WDR17: variants seen among roughly 807,000 people sequenced by gnomAD.
The protein encoded by WDR17 is WD repeat domain 17, also known as WD repeat-containing protein 17.
In WDR17, 143 loss-of-function variants were observed where a neutral mutation model predicts 161.7. The ratio of observed to expected loss-of-function variants is 0.88; its 90% CI spans 0.77 to 1.02. The LOEUF is 1.02. Among genes scored for constraint, WDR17 ranks in the 50% least tolerant of loss-of-function variants. The probability of loss-of-function intolerance (pLI) is 0.00; values close to 1 mark genes in which losing one functional copy is unlikely to be tolerated. For missense variants in WDR17, 1,469 were observed against 1,520.9 expected (o/e 0.97, Z 0.57); for synonymous variants, 517 against 515.6 (o/e 1.00, Z -0.04).
At chr4:176,091,094 T>A (rs1736063391) in intron 1 of WDR17, among the ~76,000 whole-genome samples, 1 of 152,176 alleles carries the variant, frequency 6.6e-6, no homozygotes, top group African/African-American at 2.4e-5. Flanking sequence ...AGATTTTGTT[T>A]ATGGCCAGTT....
At position 176,135,250 on chromosome 4, in the gene WDR17, T is replaced by A. The variant is rs1744222036; in HGVS notation, c.1241T>A (p.Val414Asp). The A allele has an allele frequency of 6.2e-7, 1 of 1,612,092 alleles. No individual in the cohort carries two copies. Among genetic ancestry groups the A allele is most frequent in the Non-Finnish European group, 8.5e-7 (1 of 1,178,462 alleles). The part of the protein sequence containing the change: ...AVYTSPGNEG[V>D]IYSLSWAPGG... ...TACACATCCCCGGGTAATGAAGGTGTTATTTATTCCCTTTCTTGGGCTCCA... is the reference window on the plus strand; with the variant it reads ...TACACATCCCCGGGTAATGAAGGTGATATTTATTCCCTTTCTTGGGCTCCA... Residue 414 changes from valine to aspartate, a missense_variant, in exon 8 of 29, where the codon GTT becomes GAT. Val to Asp is a radical substitution (Grantham distance 152, BLOSUM62 -3). Transcript: ENST00000508596.
At position 176,160,212 on chromosome 4, in the gene WDR17, C is replaced by T. The variant is rs1008902161; in HGVS notation, c.2658+86C>T. On this transcript the variant is annotated intron_variant, in intron 19 of 28. Transcript: ENST00000508596. ...GGTTGTGTTGACTGGCTCACCCTTACATAATTGACAAAGTCATAAAGGGCT... is the reference window on the plus strand; with the variant it reads ...GGTTGTGTTGACTGGCTCACCCTTATATAATTGACAAAGTCATAAAGGGCT... 1.7e-5 allele frequency: 26 copies of T among 1,491,308 alleles called. No individual in the cohort carries two copies. The Admixed American group carries it at 4.2e-4, about 24-fold the overall frequency. The allele number at this position is 1,491,308 out of a possible 1,614,324, so 92.4% of individuals were successfully genotyped here. A position where few individuals can be genotyped will look rare whatever the true frequency, so the allele number is the denominator to read the frequency against.
At position 176,182,360 on chromosome 4, in the gene WDR17, A is replaced by G. The variant is rs1752240815; in HGVS notation, c.*2781A>G. 1 of 150,000 alleles carries G rather than the reference A, an allele frequency of 6.7e-6. No homozygotes were observed. Among genetic ancestry groups the G allele is most frequent in the African/African-American group, 2.4e-5 (1 of 40,858 alleles). 9.3% of individuals were successfully genotyped at this position (150,000 alleles called of 1,614,324 possible). A position where few individuals can be genotyped will look rare whatever the true frequency, so the allele number is the denominator to read the frequency against. ...AAATGAAATATATATGTATGTGTAT[A>G]TATATACATGTATGTATGAAATATA... is the stretch of plus-strand genomic sequence containing the variant. On this transcript the variant is annotated 3_prime_UTR_variant, in exon 29 of 29. Coordinates refer to ENST00000508596, the MANE Select transcript of WDR17 (RefSeq NM_181265.4). This position sits in a 1 kb window ranked among gnomAD's most constrained non-coding sequence, Gnocchi z 4.2.
intron 11 of WDR17, among the ~76,000 whole-genome samples, chr4:176,144,652 A>G (rs1745875974): frequency 6.6e-6 from 1 of 152,208 alleles, no homozygotes; most frequent in Non-Finnish European, 1.5e-5. Flanking sequence ...TTTAACTATT[A>G]TGCTTACTAC....
At chr4:176,083,403 G>C (rs2126600692) in intron 1 of WDR17, among the ~76,000 whole-genome samples, 1 of 152,072 alleles carries the variant, frequency 6.6e-6, no homozygotes, top group South Asian at 2.1e-4. Context: ...CACCACCAAG[G>C]ATACCACTAG....
chr4:176,112,048 T>G (rs558151193), intron 2 of WDR17, among the ~76,000 whole-genome samples: 2 of 152,206 alleles, frequency 1.3e-5, no homozygotes, highest in African/African-American at 2.4e-5. Flanking sequence ...GTGTCCTAGC[T>G]CCATTCAGAT....
rs753174298 is a variant in WDR17, at chr4:176,111,560, A to G, written c.-6-15A>G. Reference sequence around the variant, plus strand: ...AATGGAAATCACTGACATTTCTTCAAATTTGTTTTTCAAGGCAAACATGTC... The same window carrying G: ...AATGGAAATCACTGACATTTCTTCAGATTTGTTTTTCAAGGCAAACATGTC... On this transcript the variant is annotated splice_polypyrimidine_tract_variant and intron_variant, in intron 1 of 28. Transcript: ENST00000508596. 1 of 1,593,930 alleles carries G rather than the reference A, an allele frequency of 6.3e-7. No individual in the cohort carries two copies. The highest frequency in any genetic ancestry group is 2.3e-5 in the East Asian group (1 of 44,422).
chr4:176,180,302 G>C lies in WDR17; in HGVS notation c.*723G>C, dbSNP rs1161012229. Reference sequence around the variant, plus strand: ...ATATATATATGAAAACTTGCATTAGGTGATAAAGTGACTATTTTAAGAGAT... The same window carrying C: ...ATATATATATGAAAACTTGCATTAGCTGATAAAGTGACTATTTTAAGAGAT... On this transcript the variant is annotated 3_prime_UTR_variant, in exon 29 of 29. Coordinates refer to ENST00000508596, the MANE Select transcript of WDR17 (RefSeq NM_181265.4). 1.3e-5 allele frequency: 2 copies of C among 151,868 alleles called. No individual in the cohort carries two copies. Among genetic ancestry groups the C allele is most frequent in the African/African-American group, 4.8e-5 (2 of 41,364 alleles). 9.4% of individuals were successfully genotyped at this position (151,868 alleles called of 1,614,324 possible). A position where few individuals can be genotyped will look rare whatever the true frequency, so the allele number is the denominator to read the frequency against.
intron 7 of WDR17, among the ~76,000 whole-genome samples, chr4:176,133,068 G>T (rs1743729744): frequency 6.7e-6 from 1 of 149,156 alleles, no homozygotes; most frequent in African/African-American, 2.5e-5. Context: ...CAGTTCAGGA[G>T]ACAATTACAT....
intron 19 of WDR17, 107 bp downstream of exon 19, chr4:176,160,233 G>A: frequency 7.3e-7 from 1 of 1,373,158 alleles, no homozygotes; most frequent in Non-Finnish European, 9.7e-7. Flanking sequence ...AAGTCATAAA[G>A]GGCTTGGCTT....
At chr4:176,108,639 A>T (rs572423765) in intron 1 of WDR17, among the ~76,000 whole-genome samples, 1 of 151,984 alleles carries the variant, frequency 6.6e-6, no homozygotes, top group East Asian at 1.9e-4. Context: ...CTGAGTGTTA[A>T]TAGTGGGGAA....
At chr4:176,102,670 C>A (rs1182974965) in intron 1 of WDR17, among the ~76,000 whole-genome samples, 1 of 152,146 alleles carries the variant, frequency 6.6e-6, no homozygotes, top group East Asian at 1.9e-4. Context: ...CACTAAAAAG[C>A]AATGAGCCAT....
chr4:176,115,678 T>C (rs1444191069), intron 2 of WDR17, 118 bp from the exon 3 acceptor site: 1 of 700,122 alleles, frequency 1.4e-6, no homozygotes, highest in Non-Finnish European at 2.1e-6. Context: ...TTCATATCTT[T>C]ATTATTAGGT....
chr4:176,083,997 A>G (rs569549609), intron 1 of WDR17, among the ~76,000 whole-genome samples: 15 of 150,166 alleles, frequency 1.0e-4, no homozygotes, highest in Non-Finnish European at 1.9e-4. Flanking sequence ...CCATTTTTCT[A>G]TTGGTTTGCC....
chr4:176,120,288 TTATATATATATATATATATATA>T (rs33940735), intron 4 of WDR17, among the ~76,000 whole-genome samples, 191 bp downstream of exon 4: 4,103 of 136,532 alleles, frequency 0.03, 148 homozygotes, highest in East Asian at 0.14. Context: ...ATTTGAAGTT[TTATATATATATATATATATATA>T]TATATATATA....
chr4:176,134,316 A>C (rs1277286959), intron 7 of WDR17, among the ~76,000 whole-genome samples: 6 of 151,720 alleles, frequency 4.0e-5, no homozygotes, highest in Non-Finnish European at 7.4e-5. Flanking sequence ...CCCAAATGTT[A>C]GTTTCGTTTG....
At chr4:176,109,389 T>C (rs1188558428) in intron 1 of WDR17, among the ~76,000 whole-genome samples, 1 of 152,026 alleles carries the variant, frequency 6.6e-6, no homozygotes, top group Non-Finnish European at 1.5e-5. Context: ...GAAATACAGG[T>C]GTCATTAGAC....
At chr4:176,152,477 G>A (rs1266875353) in intron 17 of WDR17, among the ~76,000 whole-genome samples, 1 of 150,286 alleles carries the variant, frequency 6.7e-6, no homozygotes, top group African/African-American at 2.5e-5. Flanking sequence ...CGTGTGGCAC[G>A]CACCTCTAGT....
Position 176,177,098 on chromosome 4 carries a change from A to C in WDR17, c.3490A>C (p.Ile1164Leu). The C allele has an allele frequency of 6.2e-7, 1 of 1,613,940 alleles. No individual in the cohort carries two copies. The highest frequency in any genetic ancestry group is 8.5e-7 in the Non-Finnish European group (1 of 1,179,890). The change falls in exon 27 of 29, where the codon ATT (isoleucine) becomes CTT (leucine). Residue 1164 changes from isoleucine (I) to leucine (L), a missense_variant. By Grantham distance (5) the Ile-to-Leu change is conservative. Transcript: ENST00000508596. ...KRREVSVPLK[I>L]EYLSEELDAW... ...TCGGGAGGTGTCAGTACCTTTAAAA[A>C]TTGAATATCTTTCTGAGGAATTGGA... is the stretch of plus-strand genomic sequence containing the variant.
Sources: allele counts gnomAD v4.1 joint callset (sites outside exome capture counted in the v4.1 genomes callset), GRCh38; gene constraint gnomAD v4.1.1; non-coding constraint Gnocchi (gnomAD v3.1); transcripts MANE v1.5; gene names NCBI Gene and HGNC (gene_info 2026-07-23, HGNC 2026-07-21).